The following LRRC4C variants were observed in gnomAD, a reference collection of about 807,000 sequenced individuals.
LRRC4C encodes the protein leucine-rich repeat-containing protein 4C.
In LRRC4C, 5 loss-of-function variants were observed where a neutral mutation model predicts 33.6. That is an observed-to-expected ratio of 0.15 (90% CI 0.08 to 0.31). LRRC4C has a LOEUF of 0.31. Among genes scored for constraint, LRRC4C ranks in the 10% least tolerant of loss-of-function variants. The pLI is 1.00. For synonymous variants in LRRC4C, 329 were observed against 302.0 expected, an observed-to-expected ratio of 1.09 and a Z score of -0.93; for missense variants, 560 against 796.7, an observed-to-expected ratio of 0.70 and a Z score of 3.58.
intron 1 of LRRC4C, among the ~76,000 whole-genome samples, chr11:41,384,162 CAG>C (rs1953264083): frequency 6.6e-6 from 1 of 151,858 alleles, no homozygotes; most frequent in Admixed American, 6.6e-5. Context: ...TTGAAGGTAA[CAG>C]TGATAAATGC....
intron 5 of LRRC4C, among the ~76,000 whole-genome samples, chr11:40,206,507 G>C (rs771405502): frequency 2.6e-5 from 4 of 152,146 alleles, no homozygotes; most frequent in Non-Finnish European, 4.4e-5. Flanking sequence ...CTCCCAAAGT[G>C]CTGGGATTAC....
chr11:40,590,949 C>G (rs1161957742), intron 3 of LRRC4C, among the ~76,000 whole-genome samples: 2 of 152,184 alleles, frequency 1.3e-5, no homozygotes, highest in Non-Finnish European at 2.9e-5. Context: ...GTGCCCTGCC[C>G]CCAGAGGTGG....
intron 3 of LRRC4C, among the ~76,000 whole-genome samples, chr11:40,417,505 A>AT (rs112607203): frequency 3.5e-4 from 52 of 146,924 alleles, no homozygotes; most frequent in Admixed American, 7.5e-4. Flanking sequence ...CTAATTTTTT[A>AT]TTTTTTTTTT....
chr11:40,307,152 T>G (rs1418832597), intron 4 of LRRC4C, among the ~76,000 whole-genome samples: 1 of 151,972 alleles, frequency 6.6e-6, no homozygotes, highest in East Asian at 1.9e-4. Flanking sequence ...TCTTCCCCAC[T>G]CCACCTCCTC....
intron 1 of LRRC4C, among the ~76,000 whole-genome samples, chr11:41,443,089 A>ATTTTTTTTTTTTTTTTTTTTTTTTTTCTT: frequency 3.8e-5 from 4 of 105,994 alleles, no homozygotes; most frequent in Non-Finnish European, 7.1e-5. Flanking sequence ...TGTTTGCTTC[A>ATTTTTTTTTTTTTTTTTTTTTTTTTTCTT]TTTTTTTTTT....
At chr11:41,376,872 A>G (rs1378004043) in intron 1 of LRRC4C, among the ~76,000 whole-genome samples, 1 of 152,184 alleles carries the variant, frequency 6.6e-6, no homozygotes, top group Non-Finnish European at 1.5e-5. Flanking sequence ...TCATAGATAG[A>G]TAGATGATAG....
chr11:40,788,581 T>A (rs577646302), intron 2 of LRRC4C, among the ~76,000 whole-genome samples: 1 of 152,224 alleles, frequency 6.6e-6, no homozygotes, highest in Non-Finnish European at 1.5e-5. Flanking sequence ...ATTAACAAAA[T>A]TTAATTTTGC....
chr11:41,107,043 G>C (rs890162759), intron 1 of LRRC4C, among the ~76,000 whole-genome samples: 4 of 136,014 alleles, frequency 2.9e-5, no homozygotes, highest in Non-Finnish European at 4.6e-5. Context: ...GAGACCAGAA[G>C]CGTTTTAGGT....
At chr11:41,321,548 TATAATA>T (rs1208399212) in intron 1 of LRRC4C, among the ~76,000 whole-genome samples, 3 of 152,036 alleles carry the variant, frequency 2.0e-5, no homozygotes, top group African/African-American at 7.2e-5. Flanking sequence ...CCCTTGGGTA[TATAATA>T]ATAATAATAG....
At chr11:40,625,260 T>C (rs1962816847) in intron 3 of LRRC4C, among the ~76,000 whole-genome samples, 1 of 152,150 alleles carries the variant, frequency 6.6e-6, no homozygotes, top group Non-Finnish European at 1.5e-5. Flanking sequence ...GCTATAGTAT[T>C]GTATTAGTCT....
At chr11:41,320,284 A>C (rs1008587899) in intron 1 of LRRC4C, among the ~76,000 whole-genome samples, 1 of 152,232 alleles carries the variant, frequency 6.6e-6, no homozygotes. Context: ...CATAACCATG[A>C]TTTAGCCGAT....
chr11:40,385,914 T>G (rs994124388), intron 3 of LRRC4C, among the ~76,000 whole-genome samples: 13 of 136,470 alleles, frequency 9.5e-5, no homozygotes, highest in Non-Finnish European at 1.8e-4. Flanking sequence ...AATAAAAAAA[T>G]AAAAAAGAAA....
intron 1 of LRRC4C, among the ~76,000 whole-genome samples, chr11:41,172,538 G>A (rs1945021364): frequency 6.6e-6 from 1 of 152,036 alleles, no homozygotes; most frequent in Non-Finnish European, 1.5e-5. Context: ...TCTCTGTACT[G>A]ACAACATTGG....
intron 5 of LRRC4C, among the ~76,000 whole-genome samples, chr11:40,180,531 G>C (rs777690030): frequency 1.7e-4 from 26 of 152,150 alleles, no homozygotes; most frequent in Non-Finnish European, 2.9e-5. Context: ...CAAATCAATA[G>C]CACTGAGGGA....
intron 2 of LRRC4C, among the ~76,000 whole-genome samples, chr11:40,824,090 A>G (rs1330006485): frequency 6.6e-6 from 1 of 151,938 alleles, no homozygotes. Context: ...TTCCAAAAAA[A>G]GGAAAATTTA....
chr11:40,708,282 C>T lies in LRRC4C; in HGVS notation c.-406-60004G>A, dbSNP rs191084716. ...TTTGAATGTGTTTGCTCTTGCTTCT[C>T]TAGTTCTTTTAATTGTGATGTTAGG... On this transcript the variant is annotated intron_variant, in intron 2 of 6. Transcript: ENST00000528697. 1.0e-3 allele frequency among the ~76,000 whole-genome samples: 155 copies of T among 152,214 alleles called. 3 individuals are homozygous for T. The East Asian group carries it at 0.026, about 25-fold the overall frequency.
chr11:40,649,927 G>C (rs1030145198), intron 2 of LRRC4C, among the ~76,000 whole-genome samples: 1 of 152,210 alleles, frequency 6.6e-6, no homozygotes, highest in Non-Finnish European at 1.5e-5. Context: ...GGGGAAGTTA[G>C]ATAATAAGTC....
chr11:40,658,264 C>T (rs1943237600), intron 2 of LRRC4C, among the ~76,000 whole-genome samples: 1 of 152,134 alleles, frequency 6.6e-6, no homozygotes, highest in Non-Finnish European at 1.5e-5. Flanking sequence ...TCTTGCCTAC[C>T]ATCTAGGCTT....
intron 5 of LRRC4C, among the ~76,000 whole-genome samples, chr11:40,189,412 C>T (rs1861653765): frequency 6.6e-6 from 1 of 152,044 alleles, no homozygotes; most frequent in African/African-American, 2.4e-5. Flanking sequence ...AAAAATATAA[C>T]CTATTTGCTT....
Sources: gnomAD v4.1 joint callset for allele counts (sites outside exome capture counted in the v4.1 genomes callset) on GRCh38, gnomAD v4.1.1 for gene constraint, MANE v1.5 for transcripts, NCBI Gene and HGNC (gene_info 2026-07-23, HGNC 2026-07-21) for gene names.